TATDN1: variants seen among roughly 807,000 people sequenced by gnomAD.
TATDN1 encodes TatD DNase domain containing 1, also known as deoxyribonuclease TATDN1.
TATDN1 carries 40 observed loss-of-function variants against 46.4 expected under a neutral mutation model. That is an observed-to-expected ratio of 0.86 (90% confidence interval 0.67 to 1.12). TATDN1 has a LOEUF of 1.12. TATDN1 is among the 50% of genes most tolerant of loss of function. The probability of loss-of-function intolerance (pLI) is 0.00; values close to 1 mark genes in which losing one functional copy is unlikely to be tolerated. For synonymous variants in TATDN1, 95 were observed against 105.6 expected (o/e 0.90, Z 0.62); for missense variants, 326 against 348.4 (o/e 0.94, Z 0.51).
intron 1 of TATDN1, among the ~76,000 whole-genome samples, chr8:124,537,008 G>C (rs772130344): frequency 2.0e-5 from 3 of 152,018 alleles, no homozygotes; most frequent in African/African-American, 2.4e-5. Flanking sequence ...GGTTACTTTA[G>C]GAGAGTGGGG....
intron 6 of TATDN1, among the ~76,000 whole-genome samples, chr8:124,513,699 T>C (rs1819221307): frequency 6.6e-6 from 1 of 152,210 alleles, no homozygotes; most frequent in Non-Finnish European, 1.5e-5. Flanking sequence ...GAGGTTGCAT[T>C]TTAGAATCAG....
intron 9 of TATDN1, among the ~76,000 whole-genome samples, chr8:124,499,954 C>T (rs1817812657): frequency 6.6e-6 from 1 of 151,844 alleles, no homozygotes; most frequent in African/African-American, 2.4e-5. Context: ...AAACGATTCT[C>T]CTGCCTCAGC....
At chr8:124,518,724 T>C in intron 4 of TATDN1, 94 bp downstream of exon 4, 8 of 847,948 alleles carry the variant, frequency 9.4e-6, no homozygotes, top group Non-Finnish European at 1.6e-5. Flanking sequence ...TTTCCAGTCA[T>C]GATCCATTGT....
At chr8:124,519,015 A>ATTCAG (rs1374800935) in intron 3 of TATDN1, 134 bp from the exon 4 acceptor site, 4 of 632,106 alleles carry the variant, frequency 6.3e-6, no homozygotes, top group East Asian at 2.7e-5. Context: ...ACCCTTTAAA[A>ATTCAG]TTCAGCTGGG....
At chr8:124,518,438 G>T (rs1397383966) in intron 4 of TATDN1, among the ~76,000 whole-genome samples, 1 of 151,206 alleles carries the variant, frequency 6.6e-6, no homozygotes, top group Non-Finnish European at 1.5e-5. Context: ...GCAGGAGAAT[G>T]GTGTGAACCT....
intron 1 of TATDN1, among the ~76,000 whole-genome samples, chr8:124,531,969 C>G (rs982591408): frequency 6.6e-6 from 1 of 152,068 alleles, no homozygotes; most frequent in Non-Finnish European, 1.5e-5. Flanking sequence ...GGATTGCAAG[C>G]GCAATTTTGT....
rs558567492 is a variant in TATDN1, at chr8:124,532,085, G to GGGA, written c.22+6937_22+6939dup. Among the ~76,000 whole-genome samples, 952 of 151,858 alleles carry GGGA rather than the reference G, an allele frequency of 6.3e-3. 3 individuals are homozygous for GGGA. The highest frequency in any genetic ancestry group is 9.6e-3 in the Non-Finnish European group (653 of 67,890). Reference sequence around the variant, plus strand: ...GCAAGGAAGAAGGAAGAGCAAGGGGGGGAGGAGGAGGAGGAGGAGGAGGAG... The same window carrying GGGA: ...GCAAGGAAGAAGGAAGAGCAAGGGGGGGAGGAGGAGGAGGAGGAGGAGGAGGAG... On this transcript the variant is annotated intron_variant, in intron 1 of 11. Transcript: ENST00000276692.
intron 3 of TATDN1, among the ~76,000 whole-genome samples, chr8:124,520,894 G>A (rs576373879): frequency 2.2e-5 from 3 of 138,874 alleles, no homozygotes; most frequent in South Asian, 4.5e-4. Context: ...AGTGAGCCGA[G>A]ATCATGCCAC....
At chr8:124,525,868 G>T (rs1306169669) in intron 1 of TATDN1, among the ~76,000 whole-genome samples, 1 of 152,112 alleles carries the variant, frequency 6.6e-6, no homozygotes, top group Non-Finnish European at 1.5e-5. Flanking sequence ...TATTTAATTT[G>T]TTCAAAATGT....
At chr8:124,497,624 T>C (rs1010126411) in intron 9 of TATDN1, among the ~76,000 whole-genome samples, 1 of 152,146 alleles carries the variant, frequency 6.6e-6, no homozygotes, top group Non-Finnish European at 1.5e-5. Context: ...TCGAGTACCA[T>C]CTACAGGCTG....
intron 1 of TATDN1, among the ~76,000 whole-genome samples, chr8:124,538,727 C>T (rs1413845234): frequency 6.6e-6 from 1 of 152,206 alleles, no homozygotes; most frequent in Non-Finnish European, 1.5e-5. Flanking sequence ...AGTGATTGGC[C>T]TTTTTGGAGT....
chr8:124,496,872 C>T (rs1817509099), intron 9 of TATDN1, among the ~76,000 whole-genome samples: 1 of 152,184 alleles, frequency 6.6e-6, no homozygotes, highest in African/African-American at 2.4e-5. Context: ...CCAGTTCCAT[C>T]CACTTACCCC....
At chr8:124,538,504 T>C (rs1395850637) in intron 1 of TATDN1, 1 of 159,022 alleles carries the variant, frequency 6.3e-6, no homozygotes, top group Non-Finnish European at 1.4e-5. Flanking sequence ...CCATTACTTG[T>C]GTTTTCTAGT....
intron 1 of TATDN1, among the ~76,000 whole-genome samples, chr8:124,532,413 A>G (rs1419238747): frequency 6.6e-6 from 1 of 152,096 alleles, no homozygotes; most frequent in Admixed American, 6.5e-5. Flanking sequence ...CCTCCCACAT[A>G]GCTGGGATTA....
intron 1 of TATDN1, 142 bp from the exon 2 acceptor site, chr8:124,523,144 C>T: frequency 1.5e-6 from 1 of 665,004 alleles, no homozygotes; most frequent in Admixed American, 2.8e-5. Flanking sequence ...TTGTCAACTA[C>T]TGTGCTAGAA....
At chr8:124,520,452 G>C (rs925094689) in intron 3 of TATDN1, among the ~76,000 whole-genome samples, 16 of 149,172 alleles carry the variant, frequency 1.1e-4, no homozygotes, top group African/African-American at 3.9e-4. Flanking sequence ...AAAAAAAAAA[G>C]ACTAATAAAA....
Position 124,527,384 on chromosome 8 carries a change from G to A in TATDN1, c.23-4382C>T, listed in dbSNP as rs113111978. On this transcript the variant is annotated intron_variant, in intron 1 of 11. Coordinates refer to ENST00000276692, the MANE Select transcript of TATDN1 (RefSeq NM_032026.4). ...GTGGTCACTTGTCAGGAAGGAATGC[G>A]CGGTGAAACTGGTCAGCTGTCATGT... Among the ~76,000 whole-genome samples the A allele has an allele frequency of 5.6e-3, 857 of 152,266 alleles. 11 individuals carry two copies. Among genetic ancestry groups the A allele is most frequent in the African/African-American group, 0.02 (819 of 41,544 alleles).
At chr8:124,501,795 C>G (rs1185522698) in intron 9 of TATDN1, among the ~76,000 whole-genome samples, 6 of 151,958 alleles carry the variant, frequency 3.9e-5, no homozygotes, top group African/African-American at 4.8e-5. Flanking sequence ...ATGTGCCCCC[C>G]ACTGGAAGGG....
At position 124,490,838 on chromosome 8, in the gene TATDN1, A is replaced by T. The variant is rs953219848; in HGVS notation, c.792-2142T>A. On this transcript the variant is annotated intron_variant, in intron 11 of 11. Coordinates refer to ENST00000276692, the MANE Select transcript of TATDN1 (RefSeq NM_032026.4). Reference sequence around the variant, plus strand: ...CTTGGCTCACTGTGTGTGATCACACAGTGGTGTGATCTTGGCTCACTACAA... The same window carrying T: ...CTTGGCTCACTGTGTGTGATCACACTGTGGTGTGATCTTGGCTCACTACAA... 6.6e-5 allele frequency among the ~76,000 whole-genome samples: 10 copies of T among 151,634 alleles called. No individual in the cohort carries two copies. In the East Asian group the frequency reaches 1.9e-3, roughly 29 times the overall value.
Sources: allele counts gnomAD v4.1 joint callset (sites outside exome capture counted in the v4.1 genomes callset), GRCh38; gene constraint gnomAD v4.1.1; transcripts MANE v1.5; gene names NCBI Gene and HGNC (gene_info 2026-07-23, HGNC 2026-07-21).